SVOPL: variants seen among roughly 807,000 people sequenced by gnomAD.
SVOPL encodes the protein putative transporter SVOPL.
SVOPL carries 60 observed loss-of-function variants against 61.0 expected under a neutral mutation model. The observed-to-expected ratio is 0.98, with a 90% CI of 0.80 to 1.22. The LOEUF is 1.22. Among genes scored for constraint, SVOPL ranks in the 50% most tolerant of loss-of-function variants. The probability of loss-of-function intolerance (pLI) is 0.00; values close to 1 mark genes in which losing one functional copy is unlikely to be tolerated. For synonymous variants in SVOPL, 279 were observed against 250.0 expected (o/e 1.12, Z -1.09); for missense variants, 662 against 643.9 (o/e 1.03, Z -0.30).
chr7:138,636,979 C>A, intron 9 of SVOPL, among the ~76,000 whole-genome samples: 1 of 152,060 alleles, frequency 6.6e-6, no homozygotes, highest in East Asian at 1.9e-4. Flanking sequence ...AGTGTCATAT[C>A]ATACCAATAA....
intron 4 of SVOPL, among the ~76,000 whole-genome samples, chr7:138,670,909 G>A (rs1802398443): frequency 6.6e-6 from 1 of 152,034 alleles, no homozygotes; most frequent in African/African-American, 2.4e-5. Flanking sequence ...AATATATCAG[G>A]AGCCTCTTTT....
intron 1 of SVOPL, among the ~76,000 whole-genome samples, chr7:138,693,316 C>T (rs940330192): frequency 2.6e-5 from 4 of 151,826 alleles, no homozygotes; most frequent in African/African-American, 9.7e-5. Context: ...GAGGTCAAGA[C>T]CAGCTTGGGC....
chr7:138,620,788 C>T (rs901750095), intron 14 of SVOPL, among the ~76,000 whole-genome samples: 2 of 152,164 alleles, frequency 1.3e-5, no homozygotes, highest in Non-Finnish European at 2.9e-5. Flanking sequence ...TTCCATCTTC[C>T]CCCAGTAATA....
intron 13 of SVOPL, among the ~76,000 whole-genome samples, 163 bp from the exon 14 acceptor site, chr7:138,621,298 T>C (rs1799555825): frequency 6.6e-6 from 1 of 152,226 alleles, no homozygotes; most frequent in Admixed American, 6.5e-5. Context: ...TACACAACTT[T>C]GAATTTTTGG....
intron 7 of SVOPL, among the ~76,000 whole-genome samples, chr7:138,656,014 C>T (rs1801712108): frequency 1.3e-5 from 2 of 152,072 alleles, no homozygotes; most frequent in African/African-American, 2.4e-5. Context: ...AGAAGAAGTC[C>T]ATTGATGTGG....
intron 1 of SVOPL, among the ~76,000 whole-genome samples, chr7:138,692,357 T>C (rs1203242255): frequency 2.0e-5 from 3 of 152,042 alleles, no homozygotes; most frequent in Non-Finnish European, 4.4e-5. Flanking sequence ...GCTGCAGAGG[T>C]GGGCAAGGCC....
intron 6 of SVOPL, among the ~76,000 whole-genome samples, chr7:138,658,876 G>A (rs1294744078): frequency 1.9e-4 from 18 of 94,090 alleles, no homozygotes; most frequent in Admixed American, 1.2e-3. Context: ...GTGCCCCCCC[G>A]CCCCAACCCC....
chr7:138,643,422 CAAAAAAAA>C (rs36014220), intron 9 of SVOPL, among the ~76,000 whole-genome samples: 3 of 67,338 alleles, frequency 4.5e-5, no homozygotes, highest in Non-Finnish European at 9.0e-5. Context: ...GACTCCATCT[CAAAAAAAA>C]AAAAAAAAAA....
chr7:138,663,655 T>G, intron 4 of SVOPL: 120 of 862,928 alleles, frequency 1.4e-4, no homozygotes, highest in Non-Finnish European at 1.5e-4. Flanking sequence ...CACAATGGCC[T>G]GTCCTCCCCT....
At chr7:138,680,722 G>A (rs1802682672) in intron 1 of SVOPL, among the ~76,000 whole-genome samples, 1 of 152,054 alleles carries the variant, frequency 6.6e-6, no homozygotes, top group African/African-American at 2.4e-5. Flanking sequence ...GGGACTACAG[G>A]CGCCCGCCAC....
chr7:138,662,698 C>T (rs978006854), intron 5 of SVOPL: 2 of 1,050,500 alleles, frequency 1.9e-6, no homozygotes, highest in Admixed American at 4.9e-5. Context: ...AACACCACCA[C>T]AGTAAACTGG....
chr7:138,656,910 C>T (rs1452316954), intron 6 of SVOPL, among the ~76,000 whole-genome samples: 4 of 151,950 alleles, frequency 2.6e-5, no homozygotes, highest in Non-Finnish European at 4.4e-5. Flanking sequence ...GGTGTGGTGG[C>T]GCATGCCTGT....
At chr7:138,614,463 T>C (rs1028427681) in intron 14 of SVOPL, among the ~76,000 whole-genome samples, 2 of 150,190 alleles carry the variant, frequency 1.3e-5, no homozygotes, top group Non-Finnish European at 3.0e-5. Context: ...TGGCGCGATC[T>C]CAGCTCACTG....
intron 8 of SVOPL, 21 bp from the exon 9 acceptor site, chr7:138,644,866 A>C: frequency 1.2e-6 from 2 of 1,614,098 alleles, no homozygotes; most frequent in Non-Finnish European, 1.7e-6. Context: ...ATTACAAAGA[A>C]CATCAGAGTG....
In SVOPL at chr7:138,628,231, G is replaced by A. The variant is rs770914376; in HGVS notation, c.996C>T (p.Ser332=). Residue 332 remains serine (S), a synonymous_variant, in exon 11 of 16, where the codon AGC becomes AGT. Transcript: ENST00000674285. ...GTGCAAACATGTGGCAGTAGCAGGG[G>A]CTCTGGCTCTCCCCTGAGTCCCCCC... ...VTGGDSGESQ[S]PCYCHMFAPS... The A allele has an allele frequency of 1.2e-6, 2 of 1,614,170 alleles. No individual in the cohort carries two copies. The highest frequency in any genetic ancestry group is 2.2e-5 in the South Asian group (2 of 91,076).
chr7:138,637,678 G>A (rs1031545282), intron 9 of SVOPL, among the ~76,000 whole-genome samples: 4 of 152,082 alleles, frequency 2.6e-5, no homozygotes, highest in Admixed American at 1.3e-4. Flanking sequence ...TCGGCCAGAC[G>A]TAGTGGCTCA....
intron 9 of SVOPL, among the ~76,000 whole-genome samples, chr7:138,643,195 G>A (rs971589304): frequency 3.9e-5 from 6 of 152,014 alleles, no homozygotes; most frequent in African/African-American, 1.4e-4. Context: ...GGGAGGCCGA[G>A]GAGGGCGGAT....
intron 12 of SVOPL, 72 bp from the exon 13 acceptor site, chr7:138,626,122 G>A: frequency 7.1e-7 from 1 of 1,410,004 alleles, no homozygotes; most frequent in Non-Finnish European, 9.9e-7. Context: ...CCAGCTTCGA[G>A]TGCACTGTGG....
At chr7:138,698,740 A>G (rs559824995) in intron 1 of SVOPL, among the ~76,000 whole-genome samples, 1 of 152,350 alleles carries the variant, frequency 6.6e-6, no homozygotes, top group African/African-American at 2.4e-5. Context: ...AAATATGTCA[A>G]TGTGCCATTG....
Sources: gnomAD v4.1 joint callset for allele counts (sites outside exome capture counted in the v4.1 genomes callset) on GRCh38, gnomAD v4.1.1 for gene constraint, MANE v1.5 for transcripts, NCBI Gene and HGNC (gene_info 2026-07-23, HGNC 2026-07-21) for gene names.